The following ERCC6L2 variants were observed in gnomAD, a reference collection of about 807,000 sequenced individuals.
ERCC6L2 encodes ERCC excision repair 6 like 2.
Under a neutral mutation model 132.0 loss-of-function variants are expected in ERCC6L2, and 77 were observed. The observed-to-expected ratio is 0.58, with a 90% CI of 0.49 to 0.71. ERCC6L2 has a LOEUF of 0.71. ERCC6L2 is among the 30% of genes least tolerant of loss of function. The pLI, the probability that ERCC6L2 is intolerant of heterozygous loss-of-function variation, is 0.00. For synonymous variants in ERCC6L2, 583 were observed against 632.4 expected, an observed-to-expected ratio of 0.92 and a Z score of 1.17; for missense variants, 1,542 against 1,837.6, an observed-to-expected ratio of 0.84 and a Z score of 2.94.
intron 12 of ERCC6L2, among the ~76,000 whole-genome samples, chr9:95,951,838 AG>A (rs147818787): frequency 0.03 from 4,607 of 152,242 alleles, 94 homozygotes; most frequent in East Asian, 0.13. Context: ...CAGGACCTTA[AG>A]GCTTTGCTGA....
chr9:95,914,862 C>T (rs920242388), intron 4 of ERCC6L2, among the ~76,000 whole-genome samples: 5 of 150,548 alleles, frequency 3.3e-5, no homozygotes, highest in Admixed American at 6.6e-5. Flanking sequence ...AATCCAGAGT[C>T]GCAAATTTTT....
intron 15 of ERCC6L2, chr9:95,971,556 C>G (rs1432573005): frequency 6.5e-6 from 1 of 154,856 alleles, no homozygotes; most frequent in Non-Finnish European, 1.4e-5. Flanking sequence ...TGATTGGAAG[C>G]ATCTGCTAGA....
chr9:95,966,543 T>C lies in ERCC6L2; in HGVS notation c.1948-19T>C. 6.9e-7 allele frequency: 1 copy of C among 1,447,720 alleles called. No individual in the cohort carries two copies. Among genetic ancestry groups the C allele is most frequent in the Non-Finnish European group, 9.3e-7 (1 of 1,080,512 alleles). The allele number at this position is 1,447,720 out of a possible 1,614,324, so 89.7% of individuals were successfully genotyped here. A position where few individuals can be genotyped will look rare whatever the true frequency, so the allele number is the denominator to read the frequency against. On this transcript the variant is annotated intron_variant, in intron 13 of 18. Transcript: ENST00000653738. ...TGGAGCAAACACTTCAAAAATGTCT[T>C]GTGTTTTTTCTGTTTTAGCAACTTC...
At chr9:95,908,840 C>T (rs1196265853) in intron 4 of ERCC6L2, among the ~76,000 whole-genome samples, 1 of 151,796 alleles carries the variant, frequency 6.6e-6, no homozygotes, top group African/African-American at 2.4e-5. Context: ...CAAAGTCAAC[C>T]GAAGTTTAGA....
chr9:95,907,338 G>GTTTTTT (rs36115321), intron 4 of ERCC6L2, 67 bp downstream of exon 4: 15 of 546,328 alleles, frequency 2.7e-5, no homozygotes, highest in South Asian at 2.0e-4. Flanking sequence ...TATATTAAGA[G>GTTTTTT]TTTTTTTTTT....
intron 11 of ERCC6L2, among the ~76,000 whole-genome samples, chr9:95,932,910 T>C (rs1425079881): frequency 6.6e-6 from 1 of 152,240 alleles, no homozygotes; most frequent in East Asian, 1.9e-4. Context: ...CCCTTTGCTG[T>C]TAACCATGTA....
downstream of ERCC6L2, among the ~76,000 whole-genome samples, chr9:96,022,177 C>T (rs1355164924): frequency 1.3e-5 from 2 of 152,260 alleles, no homozygotes; most frequent in Admixed American, 6.5e-5. Flanking sequence ...CAGCTCCCAA[C>T]TGGATGCCTG....
chr9:95,877,844 C>T (rs956195917), intron 1 of ERCC6L2, among the ~76,000 whole-genome samples: 3 of 151,784 alleles, frequency 2.0e-5, no homozygotes, highest in Admixed American at 6.6e-5. Context: ...AATAAATTCG[C>T]ATGTTCACTG....
chr9:95,950,389 CAATT>C (rs749745433), intron 12 of ERCC6L2, among the ~76,000 whole-genome samples: 1 of 151,956 alleles, frequency 6.6e-6, no homozygotes, highest in African/African-American at 2.4e-5. Context: ...TAAAAAACAT[CAATT>C]AAACACAAAG....
In ERCC6L2 at chr9:95,936,087, G is replaced by T. The variant is rs564751490; in HGVS notation, c.1752-5367G>T. Reference sequence around the variant, plus strand: ...AATAACAGCTCTGAAAAGGGCAGTGGTAATAGGAATGGAGAAGGGACTCAA... The same window carrying T: ...AATAACAGCTCTGAAAAGGGCAGTGTTAATAGGAATGGAGAAGGGACTCAA... On this transcript the variant is annotated intron_variant, in intron 11 of 18. Coordinates refer to ENST00000653738, the MANE Select transcript of ERCC6L2 (RefSeq NM_020207.7). Among the ~76,000 whole-genome samples, 9 of 152,240 alleles carry T rather than the reference G, an allele frequency of 5.9e-5. No individual in the cohort carries two copies. In the East Asian group the frequency reaches 1.7e-3, roughly 29 times the overall value.
At chr9:95,906,773 C>G (rs1207135372) in intron 3 of ERCC6L2, 3 of 474,774 alleles carry the variant, frequency 6.3e-6, no homozygotes, top group Non-Finnish European at 8.2e-6. Flanking sequence ...ATTCTTTTCT[C>G]TCTTTTGGAA....
chr9:95,906,228 G>A (rs1386420553), intron 3 of ERCC6L2, among the ~76,000 whole-genome samples: 2 of 152,078 alleles, frequency 1.3e-5, no homozygotes, highest in Admixed American at 6.6e-5. Context: ...AGAGTAATGA[G>A]GTAATAGAGA....
chr9:95,990,454 C>T (rs1245712731), intron 17 of ERCC6L2, among the ~76,000 whole-genome samples: 1 of 152,200 alleles, frequency 6.6e-6, no homozygotes, highest in African/African-American at 2.4e-5. Flanking sequence ...CACTTGTTGA[C>T]ATTTACGATT....
At chr9:95,932,863 A>G (rs1483025997) in intron 11 of ERCC6L2, among the ~76,000 whole-genome samples, 1 of 152,218 alleles carries the variant, frequency 6.6e-6, no homozygotes, top group Non-Finnish European at 1.5e-5. Context: ...TCAGTTCGAA[A>G]AGAGCAATAT....
rs765873427 is a variant in ERCC6L2 at position 95,978,204 on chromosome 9, T to C, written c.3481T>C (p.Cys1161Arg). ...FSQLPANIAVCSSKTYKEKVD... is the reference protein window; with the variant it reads ...FSQLPANIAVRSSKTYKEKVD... ...TCAGCTGCCTGCTAACATAGCTGTTTGCAGTTCTAAGGTAAGAAAAATATA... is the reference window on the plus strand; with the variant it reads ...TCAGCTGCCTGCTAACATAGCTGTTCGCAGTTCTAAGGTAAGAAAAATATA... The change falls in exon 17 of 19, where the codon TGC (cysteine) becomes CGC (arginine). Residue 1161 changes from cysteine to arginine, a missense_variant. By Grantham distance (180) the Cys-to-Arg change is radical. Around this residue, in one of 4 missense-constraint regions of ERCC6L2, gnomAD observed 442 missense variants for 583.4 expected, o/e 0.76. Coordinates refer to ENST00000653738, the MANE Select transcript of ERCC6L2 (RefSeq NM_020207.7). 2.2e-4 allele frequency: 304 copies of C among 1,365,036 alleles called. No individual in the cohort carries two copies. The highest frequency in any genetic ancestry group is 2.9e-4 in the Non-Finnish European group (296 of 1,020,736). 84.6% of individuals were successfully genotyped at this position (1,365,036 alleles called of 1,614,324 possible).
At chr9:95,968,912 A>T (rs574062916) in intron 14 of ERCC6L2, 100 of 152,320 alleles carry the variant, frequency 6.6e-4, no homozygotes, top group African/African-American at 2.2e-3. Context: ...ATGTATTATG[A>T]TAGGTTCTAA....
chr9:95,877,330 C>A (rs565044747), intron 1 of ERCC6L2, among the ~76,000 whole-genome samples: 15 of 149,912 alleles, frequency 1.0e-4, no homozygotes, highest in African/African-American at 1.5e-4. Context: ...TTGTGTGATT[C>A]CCTTAAGGCT....
At chr9:95,896,490 C>T (rs567887405) in intron 2 of ERCC6L2, among the ~76,000 whole-genome samples, 6 of 150,748 alleles carry the variant, frequency 4.0e-5, no homozygotes, top group Non-Finnish European at 7.4e-5. Flanking sequence ...GGTGCAGTCA[C>T]GGCCCACTGC....
At chr9:95,962,068 G>A (rs935982688) in intron 13 of ERCC6L2, among the ~76,000 whole-genome samples, 12 of 152,120 alleles carry the variant, frequency 7.9e-5, no homozygotes, top group African/African-American at 1.2e-4. Context: ...CAGCCAAACC[G>A]TATCACCTAC....
Sources: gnomAD v4.1 joint callset for allele counts (sites outside exome capture counted in the v4.1 genomes callset) on GRCh38, gnomAD v4.1.1 for gene constraint, gnomAD v4.1.1 regional missense constraint, MANE v1.5 for transcripts, NCBI Gene and HGNC (gene_info 2026-07-23, HGNC 2026-07-21) for gene names.